RBMS3: variants seen among roughly 807,000 people sequenced by gnomAD.
RBMS3 encodes RNA binding motif single stranded interacting protein 3.
RBMS3 carries 27 observed loss-of-function variants against 66.8 expected under a neutral mutation model. The ratio of observed to expected loss-of-function variants is 0.40; its 90% CI spans 0.30 to 0.56. The LOEUF is 0.56. Among genes scored for constraint, RBMS3 ranks in the 20% least tolerant of loss-of-function variants. The pLI, the probability that RBMS3 is intolerant of heterozygous loss-of-function variation, is 0.40. For missense variants in RBMS3, 513 were observed against 549.5 expected (o/e 0.93, Z 0.66); for synonymous variants, 188 against 183.0 (o/e 1.03, Z -0.22).
intron 4 of RBMS3, among the ~76,000 whole-genome samples, chr3:29,671,658 C>T (rs932825714): frequency 1.3e-5 from 2 of 152,014 alleles, no homozygotes; most frequent in East Asian, 1.9e-4. Context: ...GTAGCTAATT[C>T]GATCAAGTGG....
chr3:29,330,077 G>C (rs2035566456), intron 1 of RBMS3, among the ~76,000 whole-genome samples: 1 of 152,058 alleles, frequency 6.6e-6, no homozygotes, highest in Non-Finnish European at 1.5e-5. Context: ...ACTATAGCCA[G>C]AATAGACCAG....
intron 1 of RBMS3, among the ~76,000 whole-genome samples, chr3:29,332,713 G>A (rs1469754324): frequency 6.6e-6 from 1 of 152,112 alleles, no homozygotes; most frequent in Non-Finnish European, 1.5e-5. Flanking sequence ...TCAAATTAAT[G>A]TTGATGAAAT....
rs544332803 is a variant in RBMS3, at chr3:29,727,526, A to G, written c.400-12194A>G. Among the ~76,000 whole-genome samples the G allele has an allele frequency of 1.6e-4, 24 of 152,268 alleles. No homozygotes were observed. The South Asian group carries it at 5.0e-3, about 32-fold the overall frequency. On this transcript the variant is annotated intron_variant, in intron 4 of 14. Transcript: ENST00000383767. ...AACTTAAATTTACAAGAAAAAAACA[A>G]CCCTATCAAAAAGTAGGCAAAGGAT...
At chr3:29,874,676 G>A (rs907894121) in intron 7 of RBMS3, among the ~76,000 whole-genome samples, 2 of 152,108 alleles carry the variant, frequency 1.3e-5, no homozygotes, top group African/African-American at 2.4e-5. Flanking sequence ...TTTATTTTAT[G>A]TGCTTTATCT....
chr3:29,307,907 G>C lies in RBMS3; in HGVS notation c.75+26151G>C, dbSNP rs1040670989. 6.6e-5 allele frequency among the ~76,000 whole-genome samples: 10 copies of C among 151,710 alleles called. No individual in the cohort carries two copies. In the East Asian group the frequency reaches 2.0e-3, roughly 30 times the overall value. On this transcript the variant is annotated intron_variant, in intron 1 of 14. Transcript: ENST00000383767. ...TAATAGTATATATTAAATTCATTTTGTTATATAAAAATTAATGAGTGAATG... is the reference window on the plus strand; with the variant it reads ...TAATAGTATATATTAAATTCATTTTCTTATATAAAAATTAATGAGTGAATG...
At chr3:29,821,948 G>A (rs2058086442) in intron 6 of RBMS3, among the ~76,000 whole-genome samples, 1 of 152,084 alleles carries the variant, frequency 6.6e-6, no homozygotes, top group Non-Finnish European at 1.5e-5. Context: ...AATACATCTG[G>A]CTCTTCTTCT....
intron 3 of RBMS3, among the ~76,000 whole-genome samples, chr3:29,506,976 G>A (rs1576047610): frequency 6.8e-6 from 1 of 146,922 alleles, no homozygotes; most frequent in Non-Finnish European, 1.5e-5. Context: ...TTTGTTCTTT[G>A]TTGGTCTAGC....
At chr3:29,966,616 G>GT (rs1696864440) in intron 12 of RBMS3, among the ~76,000 whole-genome samples, 1 of 152,076 alleles carries the variant, frequency 6.6e-6, no homozygotes, top group Non-Finnish European at 1.5e-5. Flanking sequence ...GGTTTTCAAG[G>GT]TAAATAATCA....
intron 1 of RBMS3, among the ~76,000 whole-genome samples, chr3:29,382,469 C>T (rs1217480048): frequency 6.6e-6 from 1 of 152,152 alleles, no homozygotes; most frequent in Non-Finnish European, 1.5e-5. Flanking sequence ...TTGTCTGTTG[C>T]TTTAGTATTT....
At chr3:29,742,640 T>A (rs1488779736) in intron 5 of RBMS3, among the ~76,000 whole-genome samples, 1 of 152,238 alleles carries the variant, frequency 6.6e-6, no homozygotes, top group African/African-American at 2.4e-5. Context: ...TTTTGTTTTT[T>A]CTTTCAAATA....
At chr3:29,624,807 G>A (rs1341427851) in intron 4 of RBMS3, among the ~76,000 whole-genome samples, 1 of 151,802 alleles carries the variant, frequency 6.6e-6, no homozygotes, top group African/African-American at 2.4e-5. Context: ...AATATAGAAG[G>A]TTCAGTGTAT....
intron 12 of RBMS3, among the ~76,000 whole-genome samples, chr3:29,976,959 A>G (rs1273991055): frequency 6.6e-6 from 1 of 152,144 alleles, no homozygotes; most frequent in Non-Finnish European, 1.5e-5. Context: ...TCTTTGTTAA[A>G]AGAAATTTTG....
intron 4 of RBMS3, among the ~76,000 whole-genome samples, chr3:29,644,592 T>A (rs569380121): frequency 1.2e-4 from 18 of 152,158 alleles, no homozygotes; most frequent in Non-Finnish European, 2.5e-4. Context: ...ATCTCACAAA[T>A]GCTATTGATA....
chr3:29,795,173 T>C (rs1431207832), intron 6 of RBMS3, among the ~76,000 whole-genome samples: 2 of 152,208 alleles, frequency 1.3e-5, no homozygotes. Flanking sequence ...ACTGCACGGC[T>C]GGTACCTTTC....
chr3:29,456,866 A>C (rs2042208708), intron 2 of RBMS3, among the ~76,000 whole-genome samples: 1 of 152,232 alleles, frequency 6.6e-6, no homozygotes, highest in Non-Finnish European at 1.5e-5. Context: ...TAGGAATTTT[A>C]AAAGTATATA....
chr3:29,545,194 T>C (rs1370598351), intron 3 of RBMS3, among the ~76,000 whole-genome samples: 1 of 152,166 alleles, frequency 6.6e-6, no homozygotes. Flanking sequence ...TTATATGTAC[T>C]GATGTAGTAT....
At chr3:29,975,130 ATATT>A in intron 12 of RBMS3, among the ~76,000 whole-genome samples, 1 of 146,080 alleles carries the variant, frequency 6.8e-6, no homozygotes, top group South Asian at 2.1e-4. Flanking sequence ...ATACGTTTAT[ATATT>A]TATATATTTT....
chr3:29,371,968 C>G (rs1489137667), intron 1 of RBMS3, among the ~76,000 whole-genome samples: 1 of 152,026 alleles, frequency 6.6e-6, no homozygotes, highest in Admixed American at 6.5e-5. Flanking sequence ...AAGTAACAAG[C>G]ATGTATCAAC....
intron 12 of RBMS3, among the ~76,000 whole-genome samples, chr3:29,972,915 T>A (rs1341654838): frequency 3.9e-5 from 6 of 152,100 alleles, no homozygotes; most frequent in Non-Finnish European, 5.9e-5. Context: ...GTCTTTTTGA[T>A]GAAGTCCCTC....
Sources: allele counts gnomAD v4.1 joint callset (sites outside exome capture counted in the v4.1 genomes callset), GRCh38; gene constraint gnomAD v4.1.1; transcripts MANE v1.5; gene names NCBI Gene and HGNC (gene_info 2026-07-23, HGNC 2026-07-21).